Variants in GLCCI1 observed in about 807,000 individuals in gnomAD.
The protein encoded by GLCCI1 is glucocorticoid-induced transcript 1 protein.
GLCCI1 carries 24 observed loss-of-function variants against 52.2 expected under a neutral mutation model. The observed-to-expected ratio is 0.46, with a 90% CI of 0.33 to 0.65. The LOEUF is 0.65. GLCCI1 is among the 30% of genes least tolerant of loss of function. The pLI, the probability that GLCCI1 is intolerant of heterozygous loss-of-function variation, is 0.02. For missense variants in GLCCI1, 704 were observed against 701.5 expected, an observed-to-expected ratio of 1.00 and a Z score of -0.04; for synonymous variants, 310 against 276.5, an observed-to-expected ratio of 1.12 and a Z score of -1.20.
intron 1 of GLCCI1, among the ~76,000 whole-genome samples, chr7:7,974,302 C>T (rs1027798441): frequency 6.6e-6 from 1 of 152,190 alleles, no homozygotes. Flanking sequence ...AGATTATATT[C>T]CTCTCAAATA....
At chr7:8,003,785 TTAG>T (rs1488252252) in intron 1 of GLCCI1, 120 bp from the exon 2 acceptor site, 4 of 734,740 alleles carry the variant, frequency 5.4e-6, no homozygotes, top group Non-Finnish European at 8.7e-6. Flanking sequence ...AACAGGGCTA[TTAG>T]TGTAAATATA....
At chr7:8,043,290 G>C (rs1247160951) in intron 3 of GLCCI1, among the ~76,000 whole-genome samples, 1 of 150,650 alleles carries the variant, frequency 6.6e-6, no homozygotes, top group Non-Finnish European at 1.5e-5. Context: ...AATCAAACCT[G>C]CAATATCTTA....
rs115566844 is a variant in GLCCI1 at position 8,007,625 on chromosome 7, A to G, written c.609+3566A>G. On this transcript the variant is annotated intron_variant, in intron 2 of 7. Transcript: ENST00000223145. ...TTAACTGTTGAACTCTTAGGGTGGG[A>G]AGAACTTGTTTTATTTATGTAGTGG... Among the ~76,000 whole-genome samples, 586 of 152,274 alleles carry G rather than the reference A, an allele frequency of 3.8e-3. 2 individuals carry two copies. The highest frequency in any genetic ancestry group is 0.013 in the African/African-American group (548 of 41,558).
intron 6 of GLCCI1, among the ~76,000 whole-genome samples, chr7:8,082,643 A>G (rs950499390): frequency 3.3e-5 from 5 of 152,212 alleles, no homozygotes; most frequent in Non-Finnish European, 7.4e-5. Flanking sequence ...CTGCCTGTCT[A>G]GGATAGCAGT....
chr7:7,980,075 C>T (rs984504995), intron 1 of GLCCI1, among the ~76,000 whole-genome samples: 1 of 152,094 alleles, frequency 6.6e-6, no homozygotes, highest in Non-Finnish European at 1.5e-5. Flanking sequence ...TGCCAGCACA[C>T]CTGGCTAATT....
chr7:8,079,781 A>T (rs991548722), intron 6 of GLCCI1, among the ~76,000 whole-genome samples: 4 of 151,518 alleles, frequency 2.6e-5, no homozygotes, highest in African/African-American at 9.8e-5. Flanking sequence ...TATATAATTA[A>T]TGGGCCTTGG....
chr7:7,982,940 A>G (rs1780651280), intron 1 of GLCCI1, among the ~76,000 whole-genome samples: 1 of 152,180 alleles, frequency 6.6e-6, no homozygotes, highest in Non-Finnish European at 1.5e-5. Context: ...GTATAAAATA[A>G]TGCCAAATTA....
chr7:8,001,220 G>T (rs1781043535), intron 1 of GLCCI1, among the ~76,000 whole-genome samples: 1 of 152,094 alleles, frequency 6.6e-6, no homozygotes, highest in Non-Finnish European at 1.5e-5. Context: ...AGGAGCTCTT[G>T]TAAGGCAGGC....
chr7:8,072,369 T>C (rs1478992518), intron 6 of GLCCI1, among the ~76,000 whole-genome samples: 1 of 152,104 alleles, frequency 6.6e-6, no homozygotes, highest in Non-Finnish European at 1.5e-5. Flanking sequence ...CCCTTTCTTG[T>C]TGACTCTTTC....
intron 6 of GLCCI1, among the ~76,000 whole-genome samples, chr7:8,071,610 T>C (rs946240946): frequency 1.2e-4 from 19 of 152,228 alleles, no homozygotes; most frequent in African/African-American, 4.6e-4. Context: ...AGGGATTTTA[T>C]TACAGTATGT....
At chr7:8,000,072 C>T (rs765923003) in intron 1 of GLCCI1, among the ~76,000 whole-genome samples, 8 of 152,250 alleles carry the variant, frequency 5.3e-5, no homozygotes, top group South Asian at 4.1e-4. Flanking sequence ...CTTAGAATGG[C>T]GTTTCCTTAT....
rs956981542 is a variant in GLCCI1, at chr7:8,007,422, C to T, written c.609+3363C>T. On this transcript the variant is annotated intron_variant, in intron 2 of 7. Transcript: ENST00000223145. ...AACCCAGACCTGGCTGATTCTAAAG[C>T]GTTTCCTTTTTTTTCTTCAGCTGTC... is the stretch of plus-strand genomic sequence containing the variant. Among the ~76,000 whole-genome samples, 8 of 152,242 alleles carry T rather than the reference C, an allele frequency of 5.3e-5. No homozygotes were observed. In the South Asian group the frequency reaches 8.3e-4, roughly 16 times the overall value.
In GLCCI1 at chr7:7,992,043, T is replaced by TTTTCTTTCTTTC. The variant is rs60028694; in HGVS notation, c.458-11819_458-11808dup. 5.7e-3 allele frequency among the ~76,000 whole-genome samples: 737 copies of TTTTCTTTCTTTC among 128,812 alleles called. 4 individuals are homozygous for TTTTCTTTCTTTC. Among genetic ancestry groups the TTTTCTTTCTTTC allele is most frequent in the Admixed American group, 7.4e-3 (91 of 12,218 alleles). 84.5% of individuals were successfully genotyped at this position (128,812 alleles called of 152,430 possible). A position where few individuals can be genotyped will look rare whatever the true frequency, so the allele number is the denominator to read the frequency against. On this transcript the variant is annotated intron_variant, in intron 1 of 7. Transcript: ENST00000223145. ...CGTTGGAGGAATATTAGAATTTATT[T>TTTTCTTTCTTTC]TTTCTTTCTTTCTTTCTTTCTTTCT...
At chr7:8,082,683 A>C (rs1468594) in intron 6 of GLCCI1, among the ~76,000 whole-genome samples, 116,191 of 151,738 alleles carry the variant, frequency 0.77, 44,568 homozygotes, top group Middle Eastern at 0.84. Context: ...TAATACCCCC[A>C]AAAAAAGCAG....
rs1780699190 is a variant in GLCCI1, at chr7:7,985,262, G to A, written c.457+15455G>A. 2.0e-5 allele frequency among the ~76,000 whole-genome samples: 3 copies of A among 152,046 alleles called. No homozygotes were observed. In the South Asian group the frequency reaches 6.2e-4, roughly 32 times the overall value. On this transcript the variant is annotated intron_variant, in intron 1 of 7. Transcript: ENST00000223145. ...AGAGAGGGAGGGAAGGAAGGAGGGA[G>A]AGAGAGAGGGAGAAAGAGAAAGAGA...
rs753928201 is a variant in GLCCI1 at position 8,086,498 on chromosome 7, G to A, written c.1604G>A (p.Gly535Asp). Residue 535 changes from glycine (G) to aspartate (D), a missense_variant, in exon 8 of 8, where the codon GGT becomes GAT. Coordinates refer to ENST00000223145, the MANE Select transcript of GLCCI1 (RefSeq NM_138426.4). This position sits in a 1 kb window ranked among gnomAD's most constrained non-coding sequence, Gnocchi z 4.4. Reference sequence around the variant, plus strand: ...CAGCAGCTCCTGCAGGAACTGCAGGGTGAGGACCACATCTCTGCTCAGAAC... The same window carrying A: ...CAGCAGCTCCTGCAGGAACTGCAGGATGAGGACCACATCTCTGCTCAGAAC... Reference protein sequence around the residue: ...QQQQLLQELQGEDHISAQNYV... With the variant: ...QQQQLLQELQDEDHISAQNYV... The A allele has an allele frequency of 1.6e-5, 26 of 1,613,668 alleles. No individual in the cohort carries two copies. Among genetic ancestry groups the A allele is most frequent in the Non-Finnish European group, 2.2e-5 (26 of 1,179,800 alleles).
chr7:7,979,787 G>C (rs1780570749), intron 1 of GLCCI1, among the ~76,000 whole-genome samples: 1 of 152,208 alleles, frequency 6.6e-6, no homozygotes, highest in Non-Finnish European at 1.5e-5. Flanking sequence ...AGATAAGGAG[G>C]AATTGGCTTT....
At chr7:8,070,365 C>T (rs1782730010) in intron 5 of GLCCI1, 1 of 152,232 alleles carries the variant, frequency 6.6e-6, no homozygotes, top group Non-Finnish European at 1.5e-5. Context: ...CATTAATAAA[C>T]TCTATTGAGT....
At position 8,060,078 on chromosome 7, in the gene GLCCI1, C is replaced by G. The variant is rs756395560; in HGVS notation, c.814-18C>G. 1.4e-5 allele frequency: 22 copies of G among 1,598,644 alleles called. No individual in the cohort carries two copies. Among genetic ancestry groups the G allele is most frequent in the Non-Finnish European group, 1.8e-5 (21 of 1,174,278 alleles). On this transcript the variant is annotated intron_variant, in intron 4 of 7. Coordinates refer to ENST00000223145, the MANE Select transcript of GLCCI1 (RefSeq NM_138426.4). ...TTGACCACAAATAATTTGATACCAC[C>G]TTTATCTTATCTCATAGGCTACTGG...
Sources: allele counts gnomAD v4.1 joint callset (sites outside exome capture counted in the v4.1 genomes callset), GRCh38; gene constraint gnomAD v4.1.1; non-coding constraint Gnocchi (gnomAD v3.1); transcripts MANE v1.5; gene names NCBI Gene and HGNC (gene_info 2026-07-23, HGNC 2026-07-21).